ZP1: variants seen among roughly 807,000 people sequenced by gnomAD.
ZP1 encodes zona pellucida glycoprotein 1.
A neutral mutation model predicts 67.4 loss-of-function variants in ZP1; 58 were observed. The ratio of observed to expected loss-of-function variants is 0.86; its 90% CI spans 0.70 to 1.07. The LOEUF (loss-of-function observed/expected upper bound fraction) is 1.07. ZP1 is among the 50% of genes least tolerant of loss of function. The pLI is 0.00. For synonymous variants in ZP1, 333 were observed against 332.7 expected (o/e 1.00, Z -0.01); for missense variants, 759 against 807.3 (o/e 0.94, Z 0.72).
intron 3 of ZP1, among the ~76,000 whole-genome samples, 194 bp from the exon 4 acceptor site, chr11:60,870,138 T>G (rs1478152259): frequency 1.3e-5 from 2 of 152,266 alleles, no homozygotes; most frequent in African/African-American, 4.8e-5. Flanking sequence ...CAGAAACTCA[T>G]TGAAACCATT....
Position 60,875,588 on chromosome 11 carries a change from G to C in ZP1, c.1849G>C (p.Gly617Arg), listed in dbSNP as rs1855688160. ...GCTGCCAGCTGTTGCCCTGGTCCTT[G>C]GGTTTGGTGTCTTTGTGGGCCTGAG... ...LLLPAVALVL[G>R]FGVFVGLSQT... is the part of the protein sequence containing the mutation. Residue 617 changes from glycine (G) to arginine (R), a missense_variant, in exon 12 of 12, where the codon GGG becomes CGG. Physicochemically the swap from Gly to Arg is moderately radical, Grantham distance 125. Transcript: ENST00000278853. 6.2e-7 allele frequency: 1 copy of C among 1,614,070 alleles called. No individual in the cohort carries two copies. Among genetic ancestry groups the C allele is most frequent in the Admixed American group, 1.7e-5 (1 of 60,006 alleles).
intron 1 of ZP1, among the ~76,000 whole-genome samples, chr11:60,868,098 G>C (rs1349600020): frequency 6.7e-6 from 1 of 149,422 alleles, no homozygotes; most frequent in African/African-American, 2.5e-5. Context: ...CCAGGCTTGA[G>C]TGCAGTTGGC....
At chr11:60,869,116 C>T (rs530416579) in intron 1 of ZP1, 29 bp from the exon 2 acceptor site, 11 of 1,613,766 alleles carry the variant, frequency 6.8e-6, no homozygotes, top group South Asian at 3.3e-5. Flanking sequence ...CCTTCAACAT[C>T]CCTGGCCCCT....
rs756478752 is a variant in ZP1, at chr11:60,873,362, A to T, written c.1241-13A>T. 2 of 1,595,576 alleles carry T rather than the reference A, an allele frequency of 1.3e-6. No homozygotes were observed. Among genetic ancestry groups the T allele is most frequent in the Admixed American group, 3.4e-5 (2 of 59,586 alleles). On this transcript the variant is annotated splice_polypyrimidine_tract_variant and intron_variant, in intron 7 of 11. Coordinates refer to ENST00000278853, the MANE Select transcript of ZP1 (RefSeq NM_207341.4). ...CACAGCCCGCCCTGGCTCATGAGTC[A>T]CTCTCCCTGCAGACGAGACCTTCAG...
chr11:60,875,128 G>T lies in ZP1; in HGVS notation c.1655-1G>T, dbSNP rs1855676261. The T allele has an allele frequency of 1.2e-6, 2 of 1,613,848 alleles. No homozygotes were observed. The highest frequency in any genetic ancestry group is 1.7e-6 in the Non-Finnish European group (2 of 1,180,024). Reference sequence around the variant, plus strand: ...CAAGATTTCATTCTTCCCCTGGGCAGGACAGCGACGATCCTCAGGTCACCG... The same window carrying T: ...CAAGATTTCATTCTTCCCCTGGGCATGACAGCGACGATCCTCAGGTCACCG... On this transcript the variant is annotated splice_acceptor_variant, in intron 10 of 11. Coordinates refer to ENST00000278853, the MANE Select transcript of ZP1 (RefSeq NM_207341.4). LOFTEE classifies it high-confidence loss of function.
chr11:60,872,741 A>G (rs1175807857), intron 6 of ZP1, among the ~76,000 whole-genome samples: 1 of 152,160 alleles, frequency 6.6e-6, no homozygotes, highest in African/African-American at 2.4e-5. Flanking sequence ...TGTAAATGCT[A>G]AGAAGACTCA....
intron 6 of ZP1, among the ~76,000 whole-genome samples, chr11:60,871,591 G>A (rs964588365): frequency 6.6e-5 from 10 of 152,186 alleles, no homozygotes; most frequent in African/African-American, 2.4e-4. Flanking sequence ...TGAGAGAGCT[G>A]GAGTCCTGAG....
chr11:60,875,374 G>C, intron 11 of ZP1, 126 bp downstream of exon 11: 3 of 1,509,656 alleles, frequency 2.0e-6, no homozygotes, highest in Non-Finnish European at 2.7e-6. Context: ...AGTCAGTGGG[G>C]AACTAAGTGA....
rs762989848 is a variant in ZP1 at position 60,873,150 on chromosome 11, C to T, written c.1113-12C>T. 1.1e-5 allele frequency: 17 copies of T among 1,545,588 alleles called. No homozygotes were observed. Among genetic ancestry groups the T allele is most frequent in the East Asian group, 4.5e-5 (2 of 44,286 alleles). On this transcript the variant is annotated splice_polypyrimidine_tract_variant and intron_variant, in intron 6 of 11. Coordinates refer to ENST00000278853, the MANE Select transcript of ZP1 (RefSeq NM_207341.4). ...GTGTCTTCTCCCCCACCCTCTTGCA[C>T]GTGGACTTCAGGCTTCATGTGCGCT...
intron 7 of ZP1, 30 bp downstream of exon 7, chr11:60,873,319 G>A (rs761484260): frequency 2.5e-5 from 40 of 1,584,896 alleles, no homozygotes; most frequent in Non-Finnish European, 3.4e-5. Context: ...CTCTCTTCTG[G>A]CCCCCACTTC....
intron 3 of ZP1, 91 bp from the exon 4 acceptor site, chr11:60,870,241 C>A: frequency 7.8e-7 from 1 of 1,282,008 alleles, no homozygotes; most frequent in Non-Finnish European, 1.0e-6. Flanking sequence ...GCTAAGAGCA[C>A]AAGCTCTGGA....
At chr11:60,869,315 A>C in intron 2 of ZP1, 49 bp downstream of exon 2, 2 of 1,608,202 alleles carry the variant, frequency 1.2e-6, no homozygotes, top group Non-Finnish European at 1.7e-6. Context: ...TCCTAGTGTC[A>C]TGTCAGGCTG....
At chr11:60,867,986 G>A (rs1855501404) in intron 1 of ZP1, among the ~76,000 whole-genome samples, 1 of 151,976 alleles carries the variant, frequency 6.6e-6, no homozygotes, top group African/African-American at 2.4e-5. Flanking sequence ...TTGTTGAGGT[G>A]CAGGTTCTGA....
intron 9 of ZP1, among the ~76,000 whole-genome samples, chr11:60,874,459 C>T (rs1391048753): frequency 6.6e-6 from 1 of 152,208 alleles, no homozygotes; most frequent in Non-Finnish European, 1.5e-5. Flanking sequence ...TCCCCTCTGC[C>T]CCCAGTCACT....
At chr11:60,870,914 G>C in intron 4 of ZP1, 43 bp from the exon 5 acceptor site, 1 of 1,581,394 alleles carries the variant, frequency 6.3e-7, no homozygotes, top group East Asian at 2.2e-5. Context: ...CTCTGTGCTG[G>C]ATGGACACCA....
At chr11:60,873,587 C>G (rs373430723) in intron 8 of ZP1, 23 bp downstream of exon 8, 8 of 1,613,922 alleles carry the variant, frequency 5.0e-6, no homozygotes, top group East Asian at 2.2e-5. Context: ...ACACTCCCCC[C>G]ACCTGCTCTG....
chr11:60,869,758 C>T lies in ZP1; in HGVS notation c.540C>T (p.Pro180=). Residue 180 remains proline, a synonymous_variant, in exon 3 of 12, where the codon CCC becomes CCT. Coordinates refer to ENST00000278853, the MANE Select transcript of ZP1 (RefSeq NM_207341.4). ...CCCAAGGCTCTGGCCATGCCTTTCCCAGCCCACTGGACCCAGGGCACAGCT... is the reference window on the plus strand; with the variant it reads ...CCCAAGGCTCTGGCCATGCCTTTCCTAGCCCACTGGACCCAGGGCACAGCT... ...HTSQGSGHAF[P]SPLDPGHSSV... is the part of the protein sequence containing the mutation. 1 of 1,614,116 alleles carries T rather than the reference C, an allele frequency of 6.2e-7. No individual in the cohort carries two copies. The highest frequency in any genetic ancestry group is 1.1e-5 in the South Asian group (1 of 91,062).
In ZP1 at chr11:60,867,619, G is replaced by A. The variant is rs765989327; in HGVS notation, c.58G>A (p.Ala20Thr). The change falls in exon 1 of 12, where the codon GCC becomes ACC. Residue 20 changes from alanine to threonine, a missense_variant. Transcript: ENST00000278853. Reference protein sequence around the residue: ...GYPVALLLLVATLGLGRWLQP... With the variant: ...GYPVALLLLVTTLGLGRWLQP... ...CCCTGTGGCCCTGCTACTGCTGGTTGCCACCCTGGGGCTGGGTAGGTGGCT... is the reference window on the plus strand; with the variant it reads ...CCCTGTGGCCCTGCTACTGCTGGTTACCACCCTGGGGCTGGGTAGGTGGCT... 9.3e-6 allele frequency: 15 copies of A among 1,613,298 alleles called. No individual in the cohort carries two copies. Among genetic ancestry groups the A allele is most frequent in the Middle Eastern group, 1.7e-4 (1 of 6,058 alleles).
Position 60,873,571 on chromosome 11 carries a change from G to T in ZP1, c.1430+7G>T. 6.2e-7 allele frequency: 1 copy of T among 1,612,830 alleles called. No individual in the cohort carries two copies. On this transcript the variant is annotated splice_region_variant and intron_variant, in intron 8 of 11. Transcript: ENST00000278853. ...GGCCCATCCTGTCAGACGGGTGAGT[G>T]CCCCCACACTCCCCCCACCTGCTCT...
Sources: allele counts gnomAD v4.1 joint callset (sites outside exome capture counted in the v4.1 genomes callset), GRCh38; gene constraint gnomAD v4.1.1; transcripts MANE v1.5; gene names NCBI Gene and HGNC (gene_info 2026-07-23, HGNC 2026-07-21).